The following CANX variants were observed in gnomAD, a reference collection of about 807,000 sequenced individuals.
The protein encoded by CANX is epididymis secretory sperm binding protein.
Under a neutral mutation model 75.7 loss-of-function variants are expected in CANX, and 14 were observed. The ratio of observed to expected loss-of-function variants is 0.19; its 90% CI spans 0.12 to 0.29. The LOEUF is 0.29. CANX is among the 10% of genes least tolerant of loss of function. CANX has a pLI of 1.00. For synonymous variants in CANX, 227 were observed against 236.9 expected (o/e 0.96, Z 0.38); for missense variants, 567 against 713.2 (o/e 0.79, Z 2.34).
chr5:179,689,491 G>A (rs1425433989), intron 1 of CANX, among the ~76,000 whole-genome samples: 5 of 144,640 alleles, frequency 3.5e-5, no homozygotes, highest in African/African-American at 1.3e-4. Flanking sequence ...GGGTTCAAGC[G>A]ATTCTCCTGT....
At chr5:179,685,436 C>T (rs753011747) in intron 1 of CANX, among the ~76,000 whole-genome samples, 12 of 150,930 alleles carry the variant, frequency 8.0e-5, no homozygotes, top group East Asian at 2.0e-4. Flanking sequence ...TTAGTAGAGA[C>T]GGTGTTTCTC....
In CANX at chr5:179,708,932, T is replaced by C. The variant is rs370036622; in HGVS notation, c.447-46T>C. 13 of 963,868 alleles carry C rather than the reference T, an allele frequency of 1.3e-5. No homozygotes were observed. The African/African-American group carries it at 1.8e-4, about 13-fold the overall frequency. 59.7% of individuals were successfully genotyped at this position (963,868 alleles called of 1,614,324 possible). ...AGGAAATACATTAAGAGAGTTTCGA[T>C]CTTTCAAAATGCCATACAGTTTTCT... On this transcript the variant is annotated intron_variant, in intron 5 of 14. Coordinates refer to ENST00000247461, the MANE Select transcript of CANX (RefSeq NM_001746.4).
At chr5:179,683,012 A>T (rs1776108810) in intron 1 of CANX, among the ~76,000 whole-genome samples, 1 of 152,256 alleles carries the variant, frequency 6.6e-6, no homozygotes, top group South Asian at 2.1e-4. Context: ...ACTGCAAGGG[A>T]CAGACCCAGA....
At chr5:179,688,490 A>G (rs1048956544) in intron 1 of CANX, among the ~76,000 whole-genome samples, 2 of 150,066 alleles carry the variant, frequency 1.3e-5, no homozygotes, top group Non-Finnish European at 3.0e-5. Context: ...TAGCCTGCCA[A>G]CTAGCTGGGA....
intron 1 of CANX, chr5:179,679,270 G>A: frequency 2.6e-6 from 4 of 1,518,548 alleles, no homozygotes; most frequent in Non-Finnish European, 3.5e-6. Flanking sequence ...GCGCTGCTGG[G>A]AGACAAGAGT....
upstream of CANX, chr5:179,698,532 G>A: frequency 7.8e-7 from 1 of 1,289,412 alleles, no homozygotes; most frequent in African/African-American, 1.5e-5. Flanking sequence ...TACCCCTTTT[G>A]CCGGCTGCCG....
chr5:179,727,668 T>G (rs1451604605), intron 14 of CANX, among the ~76,000 whole-genome samples: 1 of 152,316 alleles, frequency 6.6e-6, no homozygotes, highest in Middle Eastern at 3.4e-3. Flanking sequence ...CACAGGATGA[T>G]GACTGTGTCT....
intron 1 of CANX, among the ~76,000 whole-genome samples, chr5:179,692,207 T>C (rs2113052604): frequency 6.6e-6 from 1 of 152,166 alleles, no homozygotes; most frequent in South Asian, 2.1e-4. Flanking sequence ...CCCAAGTAGC[T>C]GGGACTACAG....
At chr5:179,724,494 C>T (rs1778518607) in intron 12 of CANX, among the ~76,000 whole-genome samples, 163 bp from the exon 13 acceptor site, 1 of 152,166 alleles carries the variant, frequency 6.6e-6, no homozygotes, top group Admixed American at 6.5e-5. Flanking sequence ...TGCATACACA[C>T]ACGTACATAC....
At chr5:179,715,876 C>A in intron 7 of CANX, 28 of 513,968 alleles carry the variant, frequency 5.4e-5, no homozygotes, top group Non-Finnish European at 7.2e-5. Context: ...AAGATTTTAA[C>A]TATCATTTGC....
intron 7 of CANX, 52 bp downstream of exon 7, chr5:179,710,117 A>G (rs755507462): frequency 2.6e-5 from 29 of 1,106,454 alleles, no homozygotes; most frequent in Non-Finnish European, 3.7e-5. Context: ...TATATCATCC[A>G]TTTAATTTAA....
chr5:179,682,672 TG>T (rs1184056377), intron 1 of CANX, among the ~76,000 whole-genome samples: 1 of 142,952 alleles, frequency 7.0e-6, no homozygotes, highest in Non-Finnish European at 1.5e-5. Flanking sequence ...ATCACACCAC[TG>T]TACTCCAGCC....
chr5:179,699,199 G>A (rs897716781), intron 1 of CANX, 97 bp downstream of exon 1: 9 of 749,900 alleles, frequency 1.2e-5, no homozygotes, highest in Non-Finnish European at 1.5e-5. Context: ...GCCGGCGACT[G>A]AGGGGTCGGG....
intron 9 of CANX, 126 bp from the exon 10 acceptor site, chr5:179,720,278 C>A: frequency 1.9e-6 from 1 of 524,780 alleles, no homozygotes; most frequent in Non-Finnish European, 3.4e-6. Context: ...ACTGGAAATA[C>A]AGGAGAAGCT....
chr5:179,728,592 A>C lies in CANX; in HGVS notation c.1727A>C (p.Glu576Ala). 1 of 1,568,604 alleles carries C rather than the reference A, an allele frequency of 6.4e-7. No homozygotes were observed. Among genetic ancestry groups the C allele is most frequent in the Non-Finnish European group, 8.8e-7 (1 of 1,138,794 alleles). ...AATGAATTTCTTTTCAATCAATAGGAGGATGAAATTTTGAACAGATCACCA... is the reference window on the plus strand; with the variant it reads ...AATGAATTTCTTTTCAATCAATAGGCGGATGAAATTTTGAACAGATCACCA... Reference protein sequence around the residue: ...EEEDRKPKAEEDEILNRSPRN... With the variant: ...EEEDRKPKAEADEILNRSPRN... Residue 576 changes from glutamate (E) to alanine (A), a missense_variant and splice_region_variant, in exon 15 of 15, where the codon GAG (glutamate) becomes GCG (alanine). Around this residue, in one of 3 missense-constraint regions of CANX, gnomAD observed 167 missense variants for 179.3 expected, o/e 0.93. Transcript: ENST00000247461.
chr5:179,704,550 T>C (rs1776996085), intron 1 of CANX: 1 of 145,266 alleles, frequency 6.9e-6, no homozygotes, highest in South Asian at 2.2e-4. Context: ...AAGGAGCTTG[T>C]TTTGGCCAGG....
chr5:179,725,831 T>TA (rs1255205011), intron 13 of CANX, among the ~76,000 whole-genome samples: 1 of 136,836 alleles, frequency 7.3e-6, no homozygotes, highest in South Asian at 2.3e-4. Context: ...CTACTTAAAA[T>TA]AAAAAAGTTA....
rs1000647566 is a variant in CANX at position 179,679,366 on chromosome 5, C to G, written c.-4+589C>G. The G allele has an allele frequency of 1.1e-5, 11 of 1,027,800 alleles. No individual in the cohort carries two copies. In the Admixed American group the frequency reaches 3.2e-4, roughly 30 times the overall value. 63.7% of individuals were successfully genotyped at this position (1,027,800 alleles called of 1,614,324 possible). A position where few individuals can be genotyped will look rare whatever the true frequency, so the allele number is the denominator to read the frequency against. The stretch of plus-strand genomic sequence containing the variant: ...CTTAGCCCTGCAGCTACGGCTGCGG[C>G]TGTGTCTCACCAGCTGCTGGCCACC... On this transcript the variant is annotated intron_variant, in intron 1 of 14. Coordinates refer to the CANX transcript ENST00000681674.
At chr5:179,706,213 T>C in intron 2 of CANX, 45 bp from the exon 3 acceptor site, 6 of 1,080,056 alleles carry the variant, frequency 5.6e-6, no homozygotes, top group Non-Finnish European at 8.4e-6. Context: ...AAAAGGCATG[T>C]TGCTGAAAAT....
Sources: allele counts gnomAD v4.1 joint callset (sites outside exome capture counted in the v4.1 genomes callset), GRCh38; gene constraint gnomAD v4.1.1; regional missense constraint gnomAD v4.1.1; transcripts MANE v1.5; gene names NCBI Gene and HGNC (gene_info 2026-07-23, HGNC 2026-07-21).